PDE11A: variants seen among roughly 807,000 people sequenced by gnomAD.
The protein encoded by PDE11A is dual 3',5'-cyclic-AMP and -GMP phosphodiesterase 11A.
A neutral mutation model predicts 100.5 loss-of-function variants in PDE11A; 100 were observed. The observed-to-expected ratio is 1.00, with a 90% confidence interval of 0.85 to 1.18. The LOEUF (loss-of-function observed/expected upper bound fraction) is 1.18, where lower values mean the gene tolerates loss of function less well. Among genes scored for constraint, PDE11A ranks in the 50% most tolerant of loss-of-function variants. The pLI is 0.00. For synonymous variants in PDE11A, 381 were observed against 420.8 expected, an observed-to-expected ratio of 0.91 and a Z score of 1.16; for missense variants, 1,141 against 1,152.6, an observed-to-expected ratio of 0.99 and a Z score of 0.15.
chr2:177,932,401 A>G (rs1329962523), intron 2 of PDE11A, among the ~76,000 whole-genome samples: 1 of 152,214 alleles, frequency 6.6e-6, no homozygotes, highest in Non-Finnish European at 1.5e-5. Context: ...AGACATGAAA[A>G]TATTCAACAA....
chr2:178,070,000 G>A (rs1372983804), intron 1 of PDE11A, among the ~76,000 whole-genome samples: 2 of 150,666 alleles, frequency 1.3e-5, no homozygotes, highest in African/African-American at 4.9e-5. Context: ...AAGGATGTGG[G>A]AAAAAAAAAT....
intron 6 of PDE11A, among the ~76,000 whole-genome samples, chr2:177,830,710 A>G (rs1386672394): frequency 6.6e-6 from 1 of 151,304 alleles, no homozygotes; most frequent in African/African-American, 2.4e-5. Flanking sequence ...GAAAATTAAT[A>G]TACATAATAA....
intron 4 of PDE11A, among the ~76,000 whole-genome samples, chr2:177,892,507 T>C (rs1310660056): frequency 6.6e-6 from 1 of 152,262 alleles, no homozygotes; most frequent in Non-Finnish European, 1.5e-5. Context: ...CAACTAAATT[T>C]ATCTGCTTAA....
chr2:177,893,400 G>T (rs2084561489), intron 4 of PDE11A, among the ~76,000 whole-genome samples: 1 of 152,128 alleles, frequency 6.6e-6, no homozygotes, highest in African/African-American at 2.4e-5. Context: ...AGCCTCCTGA[G>T]TAGCTGGGAC....
intron 10 of PDE11A, among the ~76,000 whole-genome samples, chr2:177,766,962 T>C (rs568874892): frequency 1.2e-4 from 19 of 152,316 alleles, no homozygotes; most frequent in African/African-American, 3.6e-4. Context: ...GAGCTAACAA[T>C]AGAAATGCAT....
intron 2 of PDE11A, among the ~76,000 whole-genome samples, chr2:177,929,981 G>T (rs549846081): frequency 6.6e-6 from 1 of 152,326 alleles, no homozygotes; most frequent in East Asian, 1.9e-4. Context: ...TAACGGCAAT[G>T]AATCACCATT....
intron 2 of PDE11A, among the ~76,000 whole-genome samples, chr2:177,946,268 G>A (rs1574299241): frequency 1.2e-4 from 17 of 139,680 alleles, no homozygotes; most frequent in African/African-American, 3.5e-4. Context: ...CGCCCCGTCC[G>A]GGAGGGAGGT....
intron 1 of PDE11A, among the ~76,000 whole-genome samples, chr2:178,107,328 C>T (rs772583663): frequency 5.3e-5 from 8 of 151,116 alleles, no homozygotes; most frequent in Non-Finnish European, 1.5e-5. Context: ...GAAAAGAATT[C>T]ATTTTGTCCT....
chr2:177,751,135 A>G (rs2082020101), intron 10 of PDE11A, among the ~76,000 whole-genome samples: 1 of 151,592 alleles, frequency 6.6e-6, no homozygotes, highest in Admixed American at 6.6e-5. Context: ...TAAGAAAAAA[A>G]AAAAAAAGCT....
chr2:177,938,411 C>G (rs994986826), intron 2 of PDE11A, among the ~76,000 whole-genome samples: 2 of 152,210 alleles, frequency 1.3e-5, no homozygotes, highest in African/African-American at 4.8e-5. Flanking sequence ...CACCAGCAGG[C>G]TGGCTTGCTT....
chr2:177,817,157 T>C (rs2083053492), intron 8 of PDE11A, among the ~76,000 whole-genome samples: 1 of 152,212 alleles, frequency 6.6e-6, no homozygotes, highest in Non-Finnish European at 1.5e-5. Flanking sequence ...AGAGAAACTA[T>C]TTCATATGTT....
chr2:178,096,062 T>C (rs2087484679), intron 2 of PDE11A, among the ~76,000 whole-genome samples: 1 of 152,148 alleles, frequency 6.6e-6, no homozygotes, highest in Non-Finnish European at 1.5e-5. Flanking sequence ...ATTTTCCCCA[T>C]TGTCTTGGTG....
intron 19 of PDE11A, among the ~76,000 whole-genome samples, chr2:177,639,613 C>A (rs1028242218): frequency 5.3e-5 from 8 of 152,164 alleles, no homozygotes; most frequent in Non-Finnish European, 1.0e-4. Flanking sequence ...GATATATTTT[C>A]TCTTATTACC....
At chr2:177,682,556 T>C (rs2080881089) in intron 15 of PDE11A, among the ~76,000 whole-genome samples, 1 of 152,240 alleles carries the variant, frequency 6.6e-6, no homozygotes, top group Admixed American at 6.5e-5. Flanking sequence ...ATTTTCAGTT[T>C]TAGTGAGAAA....
intron 2 of PDE11A, among the ~76,000 whole-genome samples, chr2:177,990,597 GTA>G (rs2085990246): frequency 6.6e-6 from 1 of 152,002 alleles, no homozygotes; most frequent in Admixed American, 6.6e-5. Flanking sequence ...AATTAGCTGG[GTA>G]TGGTAGGGTG....
At chr2:178,007,972 C>T (rs377492982) in intron 2 of PDE11A, among the ~76,000 whole-genome samples, 15 of 152,040 alleles carry the variant, frequency 9.9e-5, no homozygotes, top group Non-Finnish European at 1.8e-4. Flanking sequence ...TCCTAAAGTG[C>T]TCAAATTACA....
At chr2:178,042,833 C>G (rs1421663580) in intron 1 of PDE11A, among the ~76,000 whole-genome samples, 1 of 151,964 alleles carries the variant, frequency 6.6e-6, no homozygotes, top group African/African-American at 2.4e-5. Context: ...AAACAAAAAC[C>G]CTACACTTAG....
chr2:177,868,144 T>G (rs1249633542), intron 5 of PDE11A, among the ~76,000 whole-genome samples: 7 of 151,972 alleles, frequency 4.6e-5, no homozygotes, highest in Middle Eastern at 3.2e-3. Context: ...GAAAAGAAAA[T>G]AAAAGTCAAT....
At chr2:177,693,560 C>A (rs1422809036) in intron 15 of PDE11A, among the ~76,000 whole-genome samples, 1 of 152,188 alleles carries the variant, frequency 6.6e-6, no homozygotes, top group Non-Finnish European at 1.5e-5. Flanking sequence ...GAATGCAAGC[C>A]TTTATCTCCA....
Sources: allele counts gnomAD v4.1 joint callset (sites outside exome capture counted in the v4.1 genomes callset), GRCh38; gene constraint gnomAD v4.1.1; transcripts MANE v1.5; gene names NCBI Gene and HGNC (gene_info 2026-07-23, HGNC 2026-07-21).